Variants in DOCK1 observed in about 807,000 individuals in gnomAD.
DOCK1 encodes the protein dedicator of cytokinesis protein 1.
In DOCK1, 138 loss-of-function variants were observed where a neutral mutation model predicts 262.7. The observed-to-expected ratio is 0.53, with a 90% CI of 0.46 to 0.61. DOCK1 has a LOEUF of 0.61. Among genes scored for constraint, DOCK1 ranks in the 20% least tolerant of loss-of-function variants. DOCK1 has a pLI of 0.00. For missense variants in DOCK1, 1,908 were observed against 2,370.7 expected (o/e 0.80, Z 4.05); for synonymous variants, 866 against 867.4 (o/e 1.00, Z 0.03).
At chr10:127,162,749 G>A (rs1044163916) in intron 27 of DOCK1, among the ~76,000 whole-genome samples, 2 of 152,142 alleles carry the variant, frequency 1.3e-5, no homozygotes, top group Non-Finnish European at 2.9e-5. Flanking sequence ...CAAAGGAGCC[G>A]ACATAACGAG....
intron 27 of DOCK1, among the ~76,000 whole-genome samples, chr10:127,130,489 G>A (rs1022401924): frequency 2.6e-5 from 4 of 152,144 alleles, no homozygotes; most frequent in African/African-American, 9.7e-5. Flanking sequence ...CATAAAGTTT[G>A]GATGGGAAGC....
At chr10:127,351,758 C>T (rs1444338771) in intron 31 of DOCK1, among the ~76,000 whole-genome samples, 1 of 152,052 alleles carries the variant, frequency 6.6e-6, no homozygotes, top group African/African-American at 2.4e-5. Flanking sequence ...TGGGAAGCCC[C>T]CTTGAGGTCT....
intron 12 of DOCK1, among the ~76,000 whole-genome samples, chr10:127,017,327 A>G (rs915596379): frequency 1.0e-4 from 13 of 127,576 alleles, no homozygotes; most frequent in African/African-American, 3.7e-4. Flanking sequence ...ACAGACATAT[A>G]TATATACACT....
At chr10:127,404,453 T>C in intron 40 of DOCK1, 24 bp downstream of exon 40, 2 of 1,600,650 alleles carry the variant, frequency 1.2e-6, no homozygotes, top group Non-Finnish European at 1.7e-6. Flanking sequence ...CTGCCTAATC[T>C]GAGCCATGAT....
intron 40 of DOCK1, among the ~76,000 whole-genome samples, chr10:127,405,049 G>A (rs1184598494): frequency 6.6e-6 from 1 of 152,206 alleles, no homozygotes; most frequent in African/African-American, 2.4e-5. Flanking sequence ...AGGCTGAATG[G>A]TATTTCATTG....
intron 27 of DOCK1, among the ~76,000 whole-genome samples, chr10:127,161,607 G>A (rs890458703): frequency 3.9e-5 from 6 of 152,266 alleles, no homozygotes; most frequent in South Asian, 2.1e-4. Flanking sequence ...TTGGGATGTC[G>A]AACAGGGGTG....
chr10:127,303,974 C>T (rs56258256), intron 29 of DOCK1, among the ~76,000 whole-genome samples: 19,694 of 152,226 alleles, frequency 0.13, 1,700 homozygotes, highest in African/African-American at 0.24. Context: ...CCGAAGAATT[C>T]CCTCTGGGCC....
chr10:127,351,846 A>G (rs2063895414), intron 31 of DOCK1, among the ~76,000 whole-genome samples: 1 of 151,958 alleles, frequency 6.6e-6, no homozygotes, highest in African/African-American at 2.4e-5. Context: ...TATTAAAACC[A>G]AGGAAAAGAT....
chr10:127,198,365 G>A (rs1024195031), intron 27 of DOCK1, among the ~76,000 whole-genome samples: 8 of 152,310 alleles, frequency 5.3e-5, no homozygotes, highest in South Asian at 2.1e-4. Context: ...TCTGCCTTCC[G>A]TCTTTTAAAG....
intron 1 of DOCK1, among the ~76,000 whole-genome samples, chr10:126,908,081 C>G (rs1205375878): frequency 4.6e-5 from 7 of 152,038 alleles, no homozygotes; most frequent in Non-Finnish European, 7.4e-5. Flanking sequence ...TGAGACAGCA[C>G]CACTCCATCG....
At chr10:127,373,936 A>G in intron 34 of DOCK1, 70 bp downstream of exon 34, 1 of 1,544,626 alleles carries the variant, frequency 6.5e-7, no homozygotes, top group Admixed American at 2.0e-5. Flanking sequence ...ATTAGACTAC[A>G]ATGAACTTTG....
intron 38 of DOCK1, among the ~76,000 whole-genome samples, chr10:127,388,583 C>T (rs192326741): frequency 2.0e-4 from 30 of 152,322 alleles, no homozygotes; most frequent in Admixed American, 1.8e-3. Context: ...TGAACCTCTC[C>T]GAATCTCCAT....
intron 27 of DOCK1, among the ~76,000 whole-genome samples, chr10:127,204,668 T>TA (rs1187355779): frequency 3.3e-5 from 5 of 152,226 alleles, no homozygotes; most frequent in Non-Finnish European, 7.3e-5. Context: ...ACAGATCTGT[T>TA]ACTCAGTACA....
chr10:127,010,866 T>C (rs1169467141), intron 11 of DOCK1, among the ~76,000 whole-genome samples: 1 of 152,260 alleles, frequency 6.6e-6, no homozygotes, highest in Non-Finnish European at 1.5e-5. Flanking sequence ...TCAGAGGTTC[T>C]TGATGCCCAG....
chr10:127,321,729 C>T lies in DOCK1; in HGVS notation c.3045-17277C>T, dbSNP rs574743557. Among the ~76,000 whole-genome samples the T allele has an allele frequency of 2.9e-3, 438 of 151,854 alleles. 5 individuals carry two copies. The highest frequency in any genetic ancestry group is 0.01 in the African/African-American group (430 of 41,310). On this transcript the variant is annotated intron_variant, in intron 29 of 51. Coordinates refer to ENST00000623213, the MANE Select transcript of DOCK1 (RefSeq NM_001290223.2). ...CAGCCAAACCCCTCCCCCCGCCGCC[C>T]CTGCTAAATTTACTTTGTCACCCTT...
chr10:126,945,027 C>T (rs1388011069), intron 1 of DOCK1, among the ~76,000 whole-genome samples: 3 of 151,934 alleles, frequency 2.0e-5, no homozygotes, highest in East Asian at 1.9e-4. Context: ...TTAGTAGAGA[C>T]GGGGTTTCAC....
At chr10:126,987,442 G>T (rs534515186) in intron 4 of DOCK1, 79 bp from the exon 5 acceptor site, 2 of 1,175,880 alleles carry the variant, frequency 1.7e-6, no homozygotes, top group African/African-American at 1.5e-5. Flanking sequence ...CTATGGCCTA[G>T]ATGTGAAATT....
At chr10:127,230,916 G>A (rs1389232843) in intron 27 of DOCK1, among the ~76,000 whole-genome samples, 1 of 151,900 alleles carries the variant, frequency 6.6e-6, no homozygotes, top group Admixed American at 6.6e-5. Flanking sequence ...GGATATTATA[G>A]CAATGTTAAT....
intron 25 of DOCK1, among the ~76,000 whole-genome samples, chr10:127,114,606 T>A (rs747538340): frequency 6.8e-6 from 1 of 147,596 alleles, no homozygotes; most frequent in Non-Finnish European, 1.5e-5. Flanking sequence ...GCAGTTCAGA[T>A]CTGTGCATTC....
Sources: gnomAD v4.1 joint callset for allele counts (sites outside exome capture counted in the v4.1 genomes callset) on GRCh38, gnomAD v4.1.1 for gene constraint, MANE v1.5 for transcripts, NCBI Gene and HGNC (gene_info 2026-07-23, HGNC 2026-07-21) for gene names.